ATP8B4: variants seen among roughly 807,000 people sequenced by gnomAD.
ATP8B4 encodes the protein ATPase phospholipid transporting 8B4 (putative), also known as probable phospholipid-transporting ATPase IM.
ATP8B4 carries 133 observed loss-of-function variants against 145.6 expected under a neutral mutation model. The observed-to-expected ratio is 0.91, with a 90% confidence interval of 0.79 to 1.05. The LOEUF is 1.05. Among genes scored for constraint, ATP8B4 ranks in the 50% least tolerant of loss-of-function variants. The pLI, the probability that ATP8B4 is intolerant of heterozygous loss-of-function variation, is 0.00. For synonymous variants in ATP8B4, 507 were observed against 492.9 expected (o/e 1.03, Z -0.38); for missense variants, 1,458 against 1,425.2 (o/e 1.02, Z -0.37).
intron 2 of ATP8B4, among the ~76,000 whole-genome samples, chr15:50,106,137 A>AC (rs1462104548): frequency 6.6e-6 from 1 of 152,226 alleles, no homozygotes; most frequent in Non-Finnish European, 1.5e-5. Flanking sequence ...AAGTAGGTTA[A>AC]CCACCTATCA....
intron 1 of ATP8B4, among the ~76,000 whole-genome samples, chr15:50,113,605 G>A (rs567948235): frequency 3.8e-4 from 58 of 152,138 alleles, no homozygotes; most frequent in South Asian, 1.9e-3. Context: ...TTGGGAGGCC[G>A]AGGTGGGTGG....
intron 14 of ATP8B4, 148 bp from the exon 15 acceptor site, chr15:49,934,330 T>C (rs2041548511): frequency 2.3e-6 from 2 of 877,712 alleles, no homozygotes; most frequent in East Asian, 5.4e-5. Context: ...TCATCATTAC[T>C]GTTAAATATA....
chr15:49,898,359 C>G, intron 21 of ATP8B4, 108 bp from the exon 22 acceptor site: 1 of 1,160,038 alleles, frequency 8.6e-7, no homozygotes, highest in African/African-American at 1.5e-5. Flanking sequence ...GTTTGCTAAA[C>G]CATTTCATTC....
intron 14 of ATP8B4, among the ~76,000 whole-genome samples, chr15:49,941,453 G>A (rs1455700817): frequency 6.6e-6 from 1 of 152,104 alleles, no homozygotes; most frequent in Non-Finnish European, 1.5e-5. Flanking sequence ...TCCTGAACCA[G>A]AACAAAGAAA....
At chr15:50,085,954 CATAT>C (rs373129384) in intron 2 of ATP8B4, among the ~76,000 whole-genome samples, 4,281 of 29,210 alleles carry the variant, frequency 0.15, 286 homozygotes, top group East Asian at 0.39. Context: ...TGATATATAT[CATAT>C]ATATTTATAT....
chr15:50,002,486 CT>C (rs1215855637), intron 7 of ATP8B4, among the ~76,000 whole-genome samples: 1 of 151,990 alleles, frequency 6.6e-6, no homozygotes, highest in Admixed American at 6.6e-5. Context: ...CTTGATTCAC[CT>C]TTTTTTAATG....
Position 50,046,251 on chromosome 15 carries a change from C to T in ATP8B4, c.201+1100G>A, listed in dbSNP as rs575543310. 1.1e-4 allele frequency among the ~76,000 whole-genome samples: 16 copies of T among 152,234 alleles called. No homozygotes were observed. The South Asian group carries it at 1.7e-3, about 16-fold the overall frequency. On this transcript the variant is annotated intron_variant, in intron 4 of 27. Transcript: ENST00000284509. ...CAACAGAAAAAGTAATTCCTTCATT[C>T]GTTTTCTCTCTCTCTCTTTCTCTCT...
chr15:50,098,747 ATT>A (rs2056156556), intron 2 of ATP8B4, among the ~76,000 whole-genome samples: 1 of 152,044 alleles, frequency 6.6e-6, no homozygotes, highest in Admixed American at 6.6e-5. Context: ...CTGGAAGGCT[ATT>A]TCACCCCAGT....
rs2044843177 is a variant in ATP8B4 at position 49,969,191 on chromosome 15, A to G, written c.1243+3391T>C. On this transcript the variant is annotated intron_variant, in intron 13 of 27. Coordinates refer to ENST00000284509, the MANE Select transcript of ATP8B4 (RefSeq NM_024837.4). ...AAAGATGGAAAGATCTAAAATTGAC[A>G]TCCTAACATCACAATTAAAATAACT... Among the ~76,000 whole-genome samples, 3 of 152,210 alleles carry G rather than the reference A, an allele frequency of 2.0e-5. 1 individual carries two copies. In the South Asian group the frequency reaches 6.2e-4, roughly 32 times the overall value.
Position 49,897,358 on chromosome 15 carries a change from G to A in ATP8B4, c.2631C>T (p.Phe877=). The A allele has an allele frequency of 1.2e-6, 2 of 1,613,752 alleles. No individual in the cohort carries two copies. Among genetic ancestry groups the A allele is most frequent in the Non-Finnish European group, 1.7e-6 (2 of 1,179,834 alleles). Residue 877 remains phenylalanine (F), a synonymous_variant, in exon 23 of 28, where the codon TTC becomes TTT. Transcript: ENST00000284509. The stretch of plus-strand genomic sequence containing the variant: ...CAAGTGTAAATGCAAAATTCTTATA[G>A]AAGAAATAGCATAAGAATTTGCACA... The part of the protein sequence containing the change: ...FRMCKFLCYF[F]YKNFAFTLVH...
intron 2 of ATP8B4, among the ~76,000 whole-genome samples, chr15:50,090,921 T>C (rs952585359): frequency 6.6e-6 from 1 of 152,176 alleles, no homozygotes; most frequent in African/African-American, 2.4e-5. Context: ...TTTTTCACCA[T>C]GTAAAAAGTA....
At chr15:49,967,413 G>T (rs2153516558) in intron 13 of ATP8B4, among the ~76,000 whole-genome samples, 1 of 152,234 alleles carries the variant, frequency 6.6e-6, no homozygotes, top group South Asian at 2.1e-4. Flanking sequence ...TAACCAGTTG[G>T]GAGAAGAACA....
At chr15:49,990,911 C>T (rs1301555392) in intron 9 of ATP8B4, among the ~76,000 whole-genome samples, 1 of 152,104 alleles carries the variant, frequency 6.6e-6, no homozygotes, top group Non-Finnish European at 1.5e-5. Context: ...AGTGTTTGCC[C>T]TGATGATTGT....
intron 1 of ATP8B4, among the ~76,000 whole-genome samples, chr15:50,166,269 T>C (rs1334970506): frequency 6.6e-6 from 1 of 152,140 alleles, no homozygotes; most frequent in Non-Finnish European, 1.5e-5. Flanking sequence ...CAAGAAATGT[T>C]AGGGGAAATT....
At chr15:50,180,502 A>G (rs952631790) in intron 1 of ATP8B4, among the ~76,000 whole-genome samples, 5 of 152,096 alleles carry the variant, frequency 3.3e-5, no homozygotes, top group African/African-American at 4.8e-5. Context: ...ATAAGAGGGG[A>G]AAAAGTGGAC....
chr15:49,990,219 G>A lies in ATP8B4; in HGVS notation c.590-2670C>T, dbSNP rs533643004. Among the ~76,000 whole-genome samples the A allele has an allele frequency of 3.9e-3, 589 of 152,204 alleles. 7 individuals are homozygous for A. Among genetic ancestry groups the A allele is most frequent in the African/African-American group, 0.013 (559 of 41,534 alleles). ...AGAGCCTAGCCATGAAGCATAACAA[G>A]GATGAGGGGAAAGCTCTCTTAGGAC... On this transcript the variant is annotated intron_variant, in intron 9 of 27. Coordinates refer to ENST00000284509, the MANE Select transcript of ATP8B4 (RefSeq NM_024837.4).
intron 1 of ATP8B4, among the ~76,000 whole-genome samples, chr15:50,178,242 G>A (rs981451824): frequency 3.9e-5 from 6 of 152,202 alleles, no homozygotes; most frequent in Non-Finnish European, 7.3e-5. Flanking sequence ...GCTCAGTAAT[G>A]TCAGAGAATG....
chr15:49,879,577 C>A, intron 23 of ATP8B4, 118 bp from the exon 24 acceptor site: 1 of 816,986 alleles, frequency 1.2e-6, no homozygotes. Flanking sequence ...TGGAATCAGA[C>A]AAATATGAAT....
intron 14 of ATP8B4, among the ~76,000 whole-genome samples, chr15:49,948,299 A>G (rs1040250606): frequency 6.6e-5 from 10 of 150,534 alleles, no homozygotes; most frequent in African/African-American, 2.5e-4. Flanking sequence ...AAAAAAAAAA[A>G]TCAGCCAGGC....
Sources: gnomAD v4.1 joint callset for allele counts (sites outside exome capture counted in the v4.1 genomes callset) on GRCh38, gnomAD v4.1.1 for gene constraint, MANE v1.5 for transcripts, NCBI Gene and HGNC (gene_info 2026-07-23, HGNC 2026-07-21) for gene names.